SIMC1: variants seen among roughly 807,000 people sequenced by gnomAD.
SIMC1 encodes the protein SUMO-interacting motif-containing protein 1.
Under a neutral mutation model 82.3 loss-of-function variants are expected in SIMC1, and 55 were observed. The observed-to-expected ratio is 0.67, with a 90% CI of 0.54 to 0.84. The LOEUF is 0.84. SIMC1 is among the 40% of genes least tolerant of loss of function. The pLI is 0.00. For missense variants in SIMC1, 915 were observed against 1,107.2 expected (o/e 0.83, Z 2.46); for synonymous variants, 353 against 426.3 (o/e 0.83, Z 2.12).
chr5:176,324,800 AAAC>A, intron 7 of SIMC1, 43 bp downstream of exon 7: 2 of 1,503,122 alleles, frequency 1.3e-6, no homozygotes, highest in South Asian at 2.6e-5. Flanking sequence ...TTTAAAAAAA[AAAC>A]AAAAAAAACT....
chr5:176,279,206 C>T (rs1430144769), intron 1 of SIMC1, among the ~76,000 whole-genome samples: 3 of 152,124 alleles, frequency 2.0e-5, no homozygotes, highest in Non-Finnish European at 2.9e-5. Flanking sequence ...GGAATTTATC[C>T]ATTTCTTCTA....
In SIMC1 at chr5:176,276,012, A is replaced by G. The variant is rs111895743; in HGVS notation, c.130-13642A>G. On this transcript the variant is annotated intron_variant, in intron 1 of 9. Coordinates refer to ENST00000429602, the MANE Select transcript of SIMC1 (RefSeq NM_001308195.2). ...AAAATGAGTTAGGGAGGATTCCCTC[A>G]TTTTCTATTGATTGGAATAGTTTCA... Among the ~76,000 whole-genome samples, 4 of 151,172 alleles carry G rather than the reference A, an allele frequency of 2.6e-5. No homozygotes were observed. In the East Asian group the frequency reaches 5.8e-4, roughly 22 times the overall value.
intron 1 of SIMC1, among the ~76,000 whole-genome samples, chr5:176,268,538 C>G (rs933928992): frequency 1.3e-5 from 2 of 150,510 alleles, no homozygotes; most frequent in African/African-American, 4.9e-5. Context: ...TCTATTCTTA[C>G]CAGAAAAACA....
At chr5:176,281,269 C>T (rs994165738) in intron 1 of SIMC1, among the ~76,000 whole-genome samples, 2 of 152,192 alleles carry the variant, frequency 1.3e-5, no homozygotes, top group Non-Finnish European at 2.9e-5. Context: ...CGAGCCTTGG[C>T]TTTCAGCTCC....
In SIMC1 at chr5:176,299,134, C is replaced by T. The variant is rs148530661; in HGVS notation, c.1734+2814C>T. Among the ~76,000 whole-genome samples the T allele has an allele frequency of 3.2e-3, 490 of 152,344 alleles. 4 individuals carry two copies. Among genetic ancestry groups the T allele is most frequent in the African/African-American group, 0.011 (463 of 41,574 alleles). On this transcript the variant is annotated intron_variant, in intron 4 of 9. Coordinates refer to ENST00000429602, the MANE Select transcript of SIMC1 (RefSeq NM_001308195.2). The stretch of plus-strand genomic sequence containing the variant: ...TGTGGCCAGGTGCAATGGCTCACGC[C>T]TGTAATTCCAGCACTTTGGGAGACC...
chr5:176,322,200 T>G, intron 5 of SIMC1, 73 bp from the exon 6 acceptor site: 1 of 1,474,358 alleles, frequency 6.8e-7, no homozygotes, highest in Non-Finnish European at 9.0e-7. Flanking sequence ...CATGGAAACC[T>G]TTTCTTTCTT....
At chr5:176,312,853 C>T (rs1225011750) in intron 4 of SIMC1, among the ~76,000 whole-genome samples, 47 of 152,186 alleles carry the variant, frequency 3.1e-4, no homozygotes, top group Non-Finnish European at 2.9e-5. Context: ...GCTCCCAGCA[C>T]TTGTCTGGTA....
chr5:176,299,437 G>A (rs1352483033), intron 4 of SIMC1, among the ~76,000 whole-genome samples: 2 of 151,712 alleles, frequency 1.3e-5, no homozygotes, highest in East Asian at 1.9e-4. Flanking sequence ...GTGAAAGGAT[G>A]AGAAAAGATA....
chr5:176,336,017 C>T (rs1043150647), intron 7 of SIMC1, among the ~76,000 whole-genome samples: 1 of 138,236 alleles, frequency 7.2e-6, no homozygotes, highest in Non-Finnish European at 1.5e-5. Flanking sequence ...GCACTCCAGC[C>T]TGGATGACAG....
intron 7 of SIMC1, among the ~76,000 whole-genome samples, chr5:176,326,858 C>A (rs1273132949): frequency 1.3e-5 from 2 of 152,132 alleles, no homozygotes; most frequent in East Asian, 1.9e-4. Flanking sequence ...AACCACCACA[C>A]CTGGCAATGT....
intron 4 of SIMC1, among the ~76,000 whole-genome samples, chr5:176,312,021 G>A (rs1764684707): frequency 6.6e-6 from 1 of 152,214 alleles, no homozygotes; most frequent in Non-Finnish European, 1.5e-5. Context: ...TTTAGGAAGA[G>A]AAGAGGTGGG....
chr5:176,343,007 A>G (rs1456982634), intron 9 of SIMC1, among the ~76,000 whole-genome samples: 1 of 152,176 alleles, frequency 6.6e-6, no homozygotes, highest in Admixed American at 6.5e-5. Flanking sequence ...AGGGCCTTGC[A>G]CTTCCATCTC....
intron 7 of SIMC1, among the ~76,000 whole-genome samples, chr5:176,336,079 A>T (rs570372116): frequency 6.9e-6 from 1 of 144,546 alleles, no homozygotes; most frequent in East Asian, 2.3e-4. Context: ...AGGGAGAGGG[A>T]GGGAGGCAGG....
intron 9 of SIMC1, among the ~76,000 whole-genome samples, chr5:176,339,160 G>A (rs1310095416): frequency 1.3e-5 from 2 of 152,066 alleles, no homozygotes; most frequent in African/African-American, 2.4e-5. Flanking sequence ...TCAGGAGTTC[G>A]AGGCCAGCCT....
At chr5:176,282,413 G>C (rs1188382705) in intron 1 of SIMC1, among the ~76,000 whole-genome samples, 1 of 152,232 alleles carries the variant, frequency 6.6e-6, no homozygotes, top group African/African-American at 2.4e-5. Flanking sequence ...CCCTGCTTCG[G>C]CTCGCGCATG....
At chr5:176,245,217 A>G (rs541648199) in intron 1 of SIMC1, among the ~76,000 whole-genome samples, 25 of 152,346 alleles carry the variant, frequency 1.6e-4, no homozygotes, top group African/African-American at 5.3e-4. Context: ...TTAATCCAAC[A>G]TGACTACTGT....
At chr5:176,285,490 AAAT>A (rs1423269239) in intron 1 of SIMC1, among the ~76,000 whole-genome samples, 6 of 152,222 alleles carry the variant, frequency 3.9e-5, no homozygotes, top group Non-Finnish European at 8.8e-5. Flanking sequence ...ACGTATCTCA[AAAT>A]AATAAGAGCT....
chr5:176,320,997 T>C (rs879559189), intron 5 of SIMC1, among the ~76,000 whole-genome samples: 4 of 152,222 alleles, frequency 2.6e-5, no homozygotes, highest in Admixed American at 2.6e-4. Context: ...GACAATTACC[T>C]CACCCCTCAT....
At chr5:176,324,582 C>T (rs751562621) in intron 6 of SIMC1, 47 bp from the exon 7 acceptor site, 1 of 1,585,788 alleles carries the variant, frequency 6.3e-7, no homozygotes, top group East Asian at 2.3e-5. Context: ...GAGAGTGGCT[C>T]CTTGCCAGAC....
Sources: allele counts gnomAD v4.1 joint callset (sites outside exome capture counted in the v4.1 genomes callset), GRCh38; gene constraint gnomAD v4.1.1; transcripts MANE v1.5; gene names NCBI Gene and HGNC (gene_info 2026-07-23, HGNC 2026-07-21).